Variants in SLC35F4 observed in about 807,000 individuals in gnomAD.
SLC35F4 encodes solute carrier family 35 member F4, also known as chromosome 14 open reading frame 36.
A neutral mutation model predicts 44.2 loss-of-function variants in SLC35F4; 24 were observed. The ratio of observed to expected loss-of-function variants is 0.54; its 90% CI spans 0.39 to 0.76. The LOEUF (loss-of-function observed/expected upper bound fraction) is 0.76, where lower values mean the gene tolerates loss of function less well. Among genes scored for constraint, SLC35F4 ranks in the 30% least tolerant of loss-of-function variants. The pLI is 0.00. For missense variants in SLC35F4, 562 were observed against 586.1 expected, an observed-to-expected ratio of 0.96 and a Z score of 0.42; for synonymous variants, 238 against 223.6, an observed-to-expected ratio of 1.06 and a Z score of -0.57.
At chr14:57,871,499 C>G (rs1888296783) in intron 1 of SLC35F4, among the ~76,000 whole-genome samples, 1 of 152,140 alleles carries the variant, frequency 6.6e-6, no homozygotes, top group Non-Finnish European at 1.5e-5. Context: ...TACAAATAAG[C>G]CTTTCTGTAA....
At chr14:57,767,799 A>C (rs542187782) in intron 1 of SLC35F4, among the ~76,000 whole-genome samples, 1 of 152,158 alleles carries the variant, frequency 6.6e-6, no homozygotes, top group Non-Finnish European at 1.5e-5. Context: ...AAAAGATACA[A>C]ATCACCAAGA....
intron 1 of SLC35F4, among the ~76,000 whole-genome samples, chr14:57,660,412 C>G (rs1029759889): frequency 2.0e-5 from 3 of 151,828 alleles, no homozygotes; most frequent in Admixed American, 2.0e-4. Context: ...ACATCTGCTT[C>G]CATCATGCTT....
intron 1 of SLC35F4, among the ~76,000 whole-genome samples, chr14:57,922,128 G>A (rs1301267082): frequency 6.6e-6 from 1 of 152,158 alleles, no homozygotes; most frequent in Non-Finnish European, 1.5e-5. Context: ...CCACTGCAGG[G>A]TGCAACCCTC....
intron 1 of SLC35F4, among the ~76,000 whole-genome samples, chr14:57,842,357 G>A (rs1266732104): frequency 6.6e-6 from 1 of 152,156 alleles, no homozygotes; most frequent in African/African-American, 2.4e-5. Flanking sequence ...CCCTCTTGCT[G>A]GAGTGCTGGA....
At chr14:57,796,837 A>G (rs753691085) in intron 1 of SLC35F4, among the ~76,000 whole-genome samples, 7 of 152,140 alleles carry the variant, frequency 4.6e-5, no homozygotes, top group Non-Finnish European at 8.8e-5. Context: ...CAAACCCTCA[A>G]TGAATATTAT....
At chr14:57,701,595 C>T (rs1012820359) in intron 1 of SLC35F4, among the ~76,000 whole-genome samples, 2 of 152,138 alleles carry the variant, frequency 1.3e-5, no homozygotes, top group African/African-American at 2.4e-5. Context: ...GCCATGATGT[C>T]ACTAAGCAAT....
chr14:57,931,274 C>T (rs2141065963), intron 1 of SLC35F4, among the ~76,000 whole-genome samples: 1 of 152,276 alleles, frequency 6.6e-6, no homozygotes, highest in East Asian at 1.9e-4. Context: ...TACCTAGAGG[C>T]TAGAAAAATA....
chr14:57,588,722 C>T (rs1566652379), intron 3 of SLC35F4, among the ~76,000 whole-genome samples: 1 of 152,158 alleles, frequency 6.6e-6, no homozygotes, highest in African/African-American at 2.4e-5. Context: ...TGAAATCAGG[C>T]CATGTCATCT....
chr14:57,924,781 T>C lies in SLC35F4; in HGVS notation n.282+57132A>G, dbSNP rs183964006. ...CTTTCTTTCTTCCTTCCTTCCTTTC[T>C]TTCTTTTTTTTCTCTTTCTTCCTTT... On this transcript the variant is annotated intron_variant and non_coding_transcript_variant, in intron 1 of 1. Coordinates refer to the SLC35F4 transcript ENST00000556568. Among the ~76,000 whole-genome samples the C allele has an allele frequency of 3.3e-5, 5 of 152,130 alleles. No individual in the cohort carries two copies. In the East Asian group the frequency reaches 9.6e-4, roughly 29 times the overall value.
intron 1 of SLC35F4, among the ~76,000 whole-genome samples, chr14:57,949,898 G>A (rs377623498): frequency 6.6e-6 from 1 of 152,194 alleles, no homozygotes; most frequent in African/African-American, 2.4e-5. Context: ...GAAACCAGCT[G>A]TTAGTCTGAT....
At chr14:57,869,211 TA>T (rs1555399042), upstream of SLC35F4, among the ~76,000 whole-genome samples, 251 of 151,114 alleles carry the variant, frequency 1.7e-3, 2 homozygotes, top group African/African-American at 5.9e-3. Context: ...TTTTTTTTTT[TA>T]AAAAAAGCCA....
rs58428240 is a variant in SLC35F4 at position 57,904,097 on chromosome 14, T to C, written n.282+77816A>G. On this transcript the variant is annotated intron_variant and non_coding_transcript_variant, in intron 1 of 1. Coordinates refer to the SLC35F4 transcript ENST00000556568. ...TAACTATAAATATTTAGTAGTTTAA[T>C]ATTCTGATGCAACTCTGCATCAATT... Among the ~76,000 whole-genome samples the C allele has an allele frequency of 0.025, 3,851 of 152,326 alleles. 430 individuals carry two copies. In the East Asian group the frequency reaches 0.4, roughly 16 times the overall value.
chr14:57,864,918 G>C (rs1375123983), intron 1 of SLC35F4, among the ~76,000 whole-genome samples: 1 of 152,178 alleles, frequency 6.6e-6, no homozygotes, highest in Non-Finnish European at 1.5e-5. Context: ...ACTGCGAGCA[G>C]AGCACACCTC....
intron 1 of SLC35F4, among the ~76,000 whole-genome samples, chr14:57,901,946 T>G (rs574874184): frequency 4.8e-4 from 73 of 152,278 alleles, no homozygotes; most frequent in African/African-American, 1.6e-3. Flanking sequence ...CAGTACTGTC[T>G]CTCATGAAAC....
At chr14:57,683,797 C>A (rs544119641) in intron 1 of SLC35F4, among the ~76,000 whole-genome samples, 1 of 152,132 alleles carries the variant, frequency 6.6e-6, no homozygotes, top group South Asian at 2.1e-4. Context: ...GCTCACAGGA[C>A]TTCCAGTAGG....
intron 1 of SLC35F4, among the ~76,000 whole-genome samples, chr14:57,594,627 C>T (rs527606346): frequency 2.0e-5 from 3 of 152,268 alleles, no homozygotes; most frequent in African/African-American, 7.2e-5. Flanking sequence ...TAATACTTAA[C>T]ACAGTCAAAT....
chr14:57,979,981 A>G (rs774243933), intron 1 of SLC35F4, among the ~76,000 whole-genome samples: 1 of 152,250 alleles, frequency 6.6e-6, no homozygotes, highest in Admixed American at 6.5e-5. Context: ...TTACCAACAC[A>G]TGACTGCTTT....
intron 1 of SLC35F4, among the ~76,000 whole-genome samples, chr14:57,884,436 A>C (rs2141034808): frequency 6.6e-6 from 1 of 152,352 alleles, no homozygotes; most frequent in Non-Finnish European, 1.5e-5. Flanking sequence ...TAAAATATTC[A>C]AAATGGATTA....
chr14:57,795,834 G>A (rs1057420600), intron 1 of SLC35F4, among the ~76,000 whole-genome samples: 2 of 151,820 alleles, frequency 1.3e-5, no homozygotes, highest in Admixed American at 6.6e-5. Context: ...GGGTACATAT[G>A]CAGGTTTGTT....
Sources: gnomAD v4.1 joint callset for allele counts (sites outside exome capture counted in the v4.1 genomes callset) on GRCh38, gnomAD v4.1.1 for gene constraint, MANE v1.5 for transcripts, NCBI Gene and HGNC (gene_info 2026-07-23, HGNC 2026-07-21) for gene names.